The following SEMA3E variants were observed in gnomAD, a reference collection of about 807,000 sequenced individuals.
The protein encoded by SEMA3E is semaphorin-3E.
Under a neutral mutation model 93.6 loss-of-function variants are expected in SEMA3E, and 49 were observed. The observed-to-expected ratio is 0.52, with a 90% CI of 0.42 to 0.66. The LOEUF is 0.66. Ranked by LOEUF, SEMA3E falls within the 30% of genes least tolerant of loss-of-function variation. The pLI is 0.00. For synonymous variants in SEMA3E, 363 were observed against 330.7 expected (o/e 1.10, Z -1.06); for missense variants, 906 against 964.8 (o/e 0.94, Z 0.81).
At chr7:83,565,335 T>C (rs917411681) in intron 1 of SEMA3E, among the ~76,000 whole-genome samples, 1 of 151,354 alleles carries the variant, frequency 6.6e-6, no homozygotes, top group Non-Finnish European at 1.5e-5. Flanking sequence ...TAAGTAGGAG[T>C]TGAACAATGA....
intron 4 of SEMA3E, among the ~76,000 whole-genome samples, chr7:83,461,053 A>G (rs935912098): frequency 2.0e-5 from 3 of 152,052 alleles, no homozygotes; most frequent in African/African-American, 4.8e-5. Context: ...CTTGACCCCA[A>G]TACAAACTGG....
At chr7:83,583,871 C>T (rs1792563588) in intron 1 of SEMA3E, among the ~76,000 whole-genome samples, 1 of 152,072 alleles carries the variant, frequency 6.6e-6, no homozygotes, top group Non-Finnish European at 1.5e-5. Context: ...CACAGCCGAC[C>T]TGTGACTAGG....
chr7:83,570,205 G>A (rs190406615), intron 1 of SEMA3E, among the ~76,000 whole-genome samples: 1 of 152,234 alleles, frequency 6.6e-6, no homozygotes, highest in East Asian at 1.9e-4. Context: ...CAATATATTT[G>A]GGATGCAGCT....
rs142103236 is a variant in SEMA3E at position 83,632,104 on chromosome 7, G to A, written c.115+16324C>T. 6.1e-3 allele frequency among the ~76,000 whole-genome samples: 919 copies of A among 150,210 alleles called. 6 individuals are homozygous for A. Among genetic ancestry groups the A allele is most frequent in the African/African-American group, 0.021 (868 of 40,832 alleles). ...TGGGAGGCAGAGGTTGCAGTGAGCC[G>A]AGAGCACACCATTGCACTCCAGCCT... On this transcript the variant is annotated intron_variant, in intron 1 of 16. Transcript: ENST00000643230.
At chr7:83,619,449 C>T (rs1233268077) in intron 1 of SEMA3E, among the ~76,000 whole-genome samples, 2 of 151,826 alleles carry the variant, frequency 1.3e-5, no homozygotes, top group African/African-American at 4.8e-5. Context: ...TTGTATCAAG[C>T]AACCATAAAT....
At chr7:83,375,950 T>G (rs549230723) in intron 16 of SEMA3E, among the ~76,000 whole-genome samples, 1 of 152,158 alleles carries the variant, frequency 6.6e-6, no homozygotes, top group East Asian at 1.9e-4. Flanking sequence ...TCCTAATTAT[T>G]GTGCAACTAA....
chr7:83,564,053 A>T (rs215276), intron 1 of SEMA3E, among the ~76,000 whole-genome samples: 1 of 152,042 alleles, frequency 6.6e-6, no homozygotes, highest in African/African-American at 2.4e-5. Flanking sequence ...AATTCCATAT[A>T]GAAGCCGATA....
At chr7:83,610,120 A>C (rs930540478) in intron 1 of SEMA3E, among the ~76,000 whole-genome samples, 1 of 152,092 alleles carries the variant, frequency 6.6e-6, no homozygotes, top group Non-Finnish European at 1.5e-5. Flanking sequence ...TATTAAGAAT[A>C]TAAGAATGTA....
chr7:83,505,753 T>C (rs561625880), intron 1 of SEMA3E, among the ~76,000 whole-genome samples: 36 of 152,166 alleles, frequency 2.4e-4, no homozygotes, highest in East Asian at 9.7e-4. Context: ...CAGTGGCTCA[T>C]GCCTGTAATC....
chr7:83,499,575 A>T (rs1280012410), intron 1 of SEMA3E, among the ~76,000 whole-genome samples: 3 of 152,150 alleles, frequency 2.0e-5, no homozygotes, highest in African/African-American at 7.2e-5. Flanking sequence ...GGAATTTTTA[A>T]ACTGTTAAGT....
At chr7:83,498,534 G>A (rs1167281962) in intron 1 of SEMA3E, among the ~76,000 whole-genome samples, 2 of 151,710 alleles carry the variant, frequency 1.3e-5, no homozygotes, top group Non-Finnish European at 2.9e-5. Flanking sequence ...CTGGAGTGCA[G>A]TGGTGCGATC....
intron 1 of SEMA3E, among the ~76,000 whole-genome samples, chr7:83,644,963 T>C (rs139134693): frequency 3.9e-5 from 6 of 152,148 alleles, no homozygotes; most frequent in African/African-American, 1.4e-4. Context: ...TTCTTGCTTA[T>C]TGAGACTTCA....
chr7:83,465,258 G>A (rs1789727796), intron 4 of SEMA3E, among the ~76,000 whole-genome samples: 1 of 151,622 alleles, frequency 6.6e-6, no homozygotes, highest in Admixed American at 6.6e-5. Context: ...CTGTAAAACG[G>A]CCCCACCCTT....
At chr7:83,457,862 C>A (rs914986734) in intron 4 of SEMA3E, among the ~76,000 whole-genome samples, 9 of 152,116 alleles carry the variant, frequency 5.9e-5, no homozygotes, top group African/African-American at 2.4e-5. Context: ...TAAATTTCTG[C>A]AAACCGATTC....
intron 1 of SEMA3E, among the ~76,000 whole-genome samples, chr7:83,567,239 C>T (rs780688808): frequency 2.0e-5 from 3 of 152,020 alleles, no homozygotes; most frequent in Non-Finnish European, 2.9e-5. Context: ...ATGTGCCCAA[C>T]GGTAGAACAC....
intron 1 of SEMA3E, among the ~76,000 whole-genome samples, chr7:83,579,278 T>C (rs1792471770): frequency 6.6e-6 from 1 of 152,142 alleles, no homozygotes; most frequent in African/African-American, 2.4e-5. Context: ...GTGCAATCTA[T>C]TAGTACAATT....
chr7:83,627,009 T>G (rs1028013170), intron 1 of SEMA3E, among the ~76,000 whole-genome samples: 1 of 152,182 alleles, frequency 6.6e-6, no homozygotes, highest in East Asian at 1.9e-4. Context: ...CATGTAGTTG[T>G]GCAGTTTTGA....
At chr7:83,432,274 T>C (rs1034962877) in intron 4 of SEMA3E, among the ~76,000 whole-genome samples, 80 of 87,832 alleles carry the variant, frequency 9.1e-4, no homozygotes, top group African/African-American at 3.2e-3. Context: ...ATTTGAGGGT[T>C]TTTTTTTTTG....
At chr7:83,545,934 A>G (rs1444294144) in intron 1 of SEMA3E, among the ~76,000 whole-genome samples, 2 of 147,022 alleles carry the variant, frequency 1.4e-5, no homozygotes, top group Non-Finnish European at 3.0e-5. Context: ...GTGCATTTAT[A>G]CTTCATTTAG....
Sources: allele counts gnomAD v4.1 joint callset (sites outside exome capture counted in the v4.1 genomes callset), GRCh38; gene constraint gnomAD v4.1.1; transcripts MANE v1.5; gene names NCBI Gene and HGNC (gene_info 2026-07-23, HGNC 2026-07-21).